Variants in PCDH11X observed in about 807,000 individuals in gnomAD.
PCDH11X encodes protocadherin 11 X-linked, also known as protocadherin-11 X-linked.
Under a neutral mutation model 53.3 loss-of-function variants are expected in PCDH11X, and 18 were observed. The observed-to-expected ratio is 0.34, with a 90% CI of 0.23 to 0.50. The LOEUF (loss-of-function observed/expected upper bound fraction) is 0.50. Among genes scored for constraint, PCDH11X ranks in the 20% least tolerant of loss-of-function variants. The probability of loss-of-function intolerance (pLI) is 0.98; values close to 1 mark genes in which losing one functional copy is unlikely to be tolerated. For synonymous variants in PCDH11X, 279 were observed against 393.3 expected (o/e 0.71, Z 3.44); for missense variants, 570 against 1,032.4 (o/e 0.55, Z 6.14).
At chrX:92,578,508 CT>C (rs1317102544) in intron 10 of PCDH11X, among the ~76,000 whole-genome samples, 6 of 107,686 alleles carry the variant, frequency 5.6e-5, no homozygotes, top group African/African-American at 1.4e-4. Context: ...TAATGCCCTT[CT>C]TTGTCTTTTT....
At chrX:91,855,756 T>C (rs5984834) in intron 5 of PCDH11X, among the ~76,000 whole-genome samples, 2,127 of 111,102 alleles carry the variant, frequency 0.019, 48 homozygotes, top group African/African-American at 0.063. Flanking sequence ...ATTTTTTGTG[T>C]GGCTATTATA....
intron 8 of PCDH11X, among the ~76,000 whole-genome samples, chrX:92,281,734 C>G (rs955882644): frequency 4.5e-5 from 5 of 111,559 alleles, no homozygotes; most frequent in Non-Finnish European, 9.4e-5. Flanking sequence ...TACTAACAGT[C>G]TCATATTTTC....
intron 9 of PCDH11X, among the ~76,000 whole-genome samples, chrX:92,410,345 G>A (rs1389582910): frequency 3.9e-5 from 4 of 102,190 alleles, no homozygotes; most frequent in Admixed American, 3.3e-4. Flanking sequence ...GTGCGTACAG[G>A]AAGGGGCTTT....
chrX:91,997,938 CT>C (rs1204496532), intron 6 of PCDH11X, among the ~76,000 whole-genome samples: 3 of 102,688 alleles, frequency 2.9e-5, no homozygotes, highest in Non-Finnish European at 2.0e-5. Flanking sequence ...TTTCTCGTTT[CT>C]TTTTTTTTTC....
chrX:92,249,607 C>T (rs6652627), intron 7 of PCDH11X, among the ~76,000 whole-genome samples: 13,090 of 111,720 alleles, frequency 0.12, 1,214 homozygotes, highest in African/African-American at 0.3. Context: ...TAAGGTGCAA[C>T]TGTACTCTAA....
rs1346968705 is a variant in PCDH11X, at chrX:91,897,125, T to C, written c.3033+17852T>C. ...GAACACATCAGTTGGGAAATGCAAA[T>C]AGCATACACAAGGAAGTCTTTCTTC... On this transcript the variant is annotated intron_variant, in intron 6 of 10. Transcript: ENST00000682573. 5.0e-5 allele frequency among the ~76,000 whole-genome samples: 5 copies of C among 100,895 alleles called. No individual in the cohort carries two copies. The South Asian group carries it at 1.9e-3, about 38-fold the overall frequency. 87.6% of individuals were successfully genotyped at this position (100,895 alleles called of 115,157 possible).
chrX:92,309,510 T>G lies in PCDH11X; in HGVS notation c.3144+46367T>G, dbSNP rs767622148. Among the ~76,000 whole-genome samples the G allele has an allele frequency of 9.1e-5, 10 of 110,406 alleles. No individual in the cohort carries two copies. The South Asian group carries it at 3.5e-3, about 38-fold the overall frequency. ...CCAGGGGCTGGAGGGAAGGAAAGAG[T>G]GAGGAATTATTGTTTAATGGCTTTG... On this transcript the variant is annotated intron_variant, in intron 8 of 10. Transcript: ENST00000682573.
In PCDH11X at chrX:91,950,544, G is replaced by GTA. The variant is rs377503795; in HGVS notation, c.3033+71286_3033+71287dup. On this transcript the variant is annotated intron_variant, in intron 6 of 10. Coordinates refer to ENST00000682573, the MANE Select transcript of PCDH11X (RefSeq NM_032968.5). The stretch of plus-strand genomic sequence containing the variant: ...TGTATACCACATATATATCAATGTG[G>GTA]TATATATATATATATAAATGTGATT... Among the ~76,000 whole-genome samples, 176 of 91,316 alleles carry GTA rather than the reference G, an allele frequency of 1.9e-3. 1 individual carries two copies. The highest frequency in any genetic ancestry group is 2.7e-3 in the Non-Finnish European group (126 of 46,316). The allele number at this position is 91,316 out of a possible 115,157, so 79.3% of individuals were successfully genotyped here.
chrX:91,914,685 C>T (rs1429632118), intron 6 of PCDH11X, among the ~76,000 whole-genome samples: 1 of 111,482 alleles, frequency 9.0e-6, no homozygotes, highest in Non-Finnish European at 1.9e-5. Context: ...TTCAAATAAA[C>T]CCAATCACAC....
chrX:92,403,328 C>CATTTTT (rs1569481407), intron 9 of PCDH11X, among the ~76,000 whole-genome samples: 1 of 54,927 alleles, frequency 1.8e-5, no homozygotes, highest in African/African-American at 1.1e-4. Flanking sequence ...CGGGCATTTA[C>CATTTTT]GTTTTTTTTT....
At position 92,148,080 on chromosome X, in the gene PCDH11X, TTC is replaced by T. The variant is rs2065340012; in HGVS notation, c.3034-53293_3034-53292del. ...TTCCTTTCTTTCTTTCTTTCTTTCTTTCTTTCTTTCTTTCTTTCTTTCTTTCT... is the reference window on the plus strand; with the variant it reads ...TTCCTTTCTTTCTTTCTTTCTTTCTTTTTCTTTCTTTCTTTCTTTCTTTCT... On this transcript the variant is annotated intron_variant, in intron 6 of 10. Coordinates refer to ENST00000682573, the MANE Select transcript of PCDH11X (RefSeq NM_032968.5). 1.5e-3 allele frequency among the ~76,000 whole-genome samples: 22 copies of T among 14,283 alleles called. 1 individual carries two copies. The highest frequency in any genetic ancestry group is 6.0e-3 in the African/African-American group (20 of 3,313). 12.4% of individuals were successfully genotyped at this position (14,283 alleles called of 115,157 possible).
At chrX:92,601,205 G>T (rs1013806400) in intron 10 of PCDH11X, among the ~76,000 whole-genome samples, 6 of 108,046 alleles carry the variant, frequency 5.6e-5, no homozygotes, top group Non-Finnish European at 1.1e-4. Flanking sequence ...GAAATGTGAG[G>T]ACATGAGATT....
intron 6 of PCDH11X, among the ~76,000 whole-genome samples, chrX:91,884,345 A>C (rs1940100073): frequency 9.0e-6 from 1 of 111,187 alleles, no homozygotes; most frequent in East Asian, 2.8e-4. Flanking sequence ...GAAAAAAAGT[A>C]TATTGATATT....
chrX:92,432,306 T>G (rs1451561504), intron 9 of PCDH11X, among the ~76,000 whole-genome samples: 1 of 110,750 alleles, frequency 9.0e-6, no homozygotes, highest in Non-Finnish European at 1.9e-5. Flanking sequence ...CCATTTAGAT[T>G]AGATTAAAAG....
intron 9 of PCDH11X, among the ~76,000 whole-genome samples, chrX:92,467,467 G>A (rs1417651914): frequency 9.0e-6 from 1 of 110,881 alleles, no homozygotes; most frequent in Non-Finnish European, 1.9e-5. Context: ...GATGTGATCA[G>A]GAAATTATTT....
intron 8 of PCDH11X, among the ~76,000 whole-genome samples, chrX:92,285,861 G>A (rs1157889878): frequency 1.8e-5 from 2 of 111,294 alleles, no homozygotes; most frequent in African/African-American, 3.3e-5. Context: ...TATTGACAGC[G>A]AGCCAGTGAT....
At chrX:92,083,436 G>A (rs1439226548) in intron 6 of PCDH11X, among the ~76,000 whole-genome samples, 1 of 111,246 alleles carries the variant, frequency 9.0e-6, no homozygotes, top group African/African-American at 3.3e-5. Flanking sequence ...ATAAATTGGA[G>A]TGAACTACAA....
chrX:92,023,523 T>C (rs1387020082), intron 6 of PCDH11X, among the ~76,000 whole-genome samples: 5 of 110,744 alleles, frequency 4.5e-5, no homozygotes, highest in Non-Finnish European at 9.4e-5. Flanking sequence ...CAGTAATTAA[T>C]AGCCTACCAA....
At chrX:92,030,743 GT>G (rs1295311222) in intron 6 of PCDH11X, among the ~76,000 whole-genome samples, 2 of 107,931 alleles carry the variant, frequency 1.9e-5, no homozygotes, top group African/African-American at 6.9e-5. Flanking sequence ...AACATGAAAA[GT>G]TTGTCTTTCT....
Sources: allele counts gnomAD v4.1 joint callset (sites outside exome capture counted in the v4.1 genomes callset), GRCh38; gene constraint gnomAD v4.1.1; transcripts MANE v1.5; gene names NCBI Gene and HGNC (gene_info 2026-07-23, HGNC 2026-07-21).